Variants in CFAP299 observed in about 807,000 individuals in gnomAD.
CFAP299 encodes the protein cilia- and flagella-associated protein 299.
Under a neutral mutation model 27.0 loss-of-function variants are expected in CFAP299, and 21 were observed. That is an observed-to-expected ratio of 0.78 (90% CI 0.55 to 1.12). The LOEUF (loss-of-function observed/expected upper bound fraction) is 1.12, where lower values mean the gene tolerates loss of function less well. Ranked by LOEUF, CFAP299 falls within the 50% of genes most tolerant of loss-of-function variation. The pLI is 0.00. For missense variants in CFAP299, 310 were observed against 276.6 expected, an observed-to-expected ratio of 1.12 and a Z score of -0.86; for synonymous variants, 104 against 98.1, an observed-to-expected ratio of 1.06 and a Z score of -0.36.
intron 2 of CFAP299, among the ~76,000 whole-genome samples, chr4:80,429,125 G>A (rs1727678332): frequency 1.3e-5 from 2 of 152,112 alleles, no homozygotes; most frequent in Admixed American, 1.3e-4. Context: ...AATTCTGGTA[G>A]GTTTCCATAC....
intron 3 of CFAP299, among the ~76,000 whole-genome samples, chr4:80,615,524 G>A (rs113988969): frequency 2.0e-5 from 3 of 150,996 alleles, no homozygotes; most frequent in African/African-American, 7.3e-5. Flanking sequence ...TAGGCTTGCA[G>A]GCATCTTTCT....
intron 3 of CFAP299, among the ~76,000 whole-genome samples, chr4:80,606,202 C>A (rs894160142): frequency 2.0e-5 from 3 of 152,146 alleles, no homozygotes; most frequent in Non-Finnish European, 4.4e-5. Context: ...TCTTATAAGT[C>A]TTTTCAGAAA....
chr4:80,743,068 T>C (rs1184544152), intron 3 of CFAP299, among the ~76,000 whole-genome samples: 2 of 152,100 alleles, frequency 1.3e-5, no homozygotes, highest in Non-Finnish European at 2.9e-5. Flanking sequence ...GCTTTTGTAG[T>C]TAACCTGATT....
At chr4:80,826,986 G>A (rs1161067191) in intron 3 of CFAP299, among the ~76,000 whole-genome samples, 1 of 151,508 alleles carries the variant, frequency 6.6e-6, no homozygotes, top group Non-Finnish European at 1.5e-5. Context: ...AATAACAAGG[G>A]AAATCAGAAA....
At chr4:80,952,689 C>A (rs142493404) in intron 5 of CFAP299, among the ~76,000 whole-genome samples, 279 of 152,128 alleles carry the variant, frequency 1.8e-3, no homozygotes, top group African/African-American at 6.4e-3. Context: ...AATAAAATCA[C>A]CCGTTTTTGT....
chr4:80,952,528 G>T (rs1451649646), intron 5 of CFAP299, among the ~76,000 whole-genome samples: 2 of 152,082 alleles, frequency 1.3e-5, no homozygotes, highest in Non-Finnish European at 2.9e-5. Flanking sequence ...GTAAATGAGA[G>T]TAGCAATTAC....
At chr4:80,703,603 T>A (rs989586703) in intron 3 of CFAP299, among the ~76,000 whole-genome samples, 2 of 150,022 alleles carry the variant, frequency 1.3e-5, no homozygotes, top group Non-Finnish European at 3.0e-5. Context: ...TGTGAGGTAT[T>A]TTTTTTTTGC....
intron 3 of CFAP299, among the ~76,000 whole-genome samples, chr4:80,618,239 A>G (rs1366300267): frequency 6.6e-6 from 1 of 152,170 alleles, no homozygotes; most frequent in Non-Finnish European, 1.5e-5. Flanking sequence ...AGCAAAGCAT[A>G]CTTCTTAGAA....
chr4:80,432,435 G>A (rs189816804), intron 2 of CFAP299, among the ~76,000 whole-genome samples: 1 of 152,144 alleles, frequency 6.6e-6, no homozygotes, highest in East Asian at 1.9e-4. Flanking sequence ...ACAGGCGTGA[G>A]CAACCATGCC....
chr4:80,944,961 G>C, intron 5 of CFAP299, 22 bp downstream of exon 5: 1 of 1,600,210 alleles, frequency 6.2e-7, no homozygotes, highest in Non-Finnish European at 8.6e-7. Context: ...TTTACACTTA[G>C]TTAGTTACCT....
intron 2 of CFAP299, among the ~76,000 whole-genome samples, chr4:80,540,994 C>T (rs993981732): frequency 2.0e-5 from 3 of 152,104 alleles, no homozygotes; most frequent in Non-Finnish European, 4.4e-5. Context: ...AAGCAGATGA[C>T]TCAATTCTTA....
chr4:80,726,421 C>A (rs1723166664), intron 3 of CFAP299, among the ~76,000 whole-genome samples: 1 of 151,992 alleles, frequency 6.6e-6, no homozygotes, highest in Admixed American at 6.5e-5. Flanking sequence ...AAAAAGATAT[C>A]TTTTTAAAAG....
At position 80,551,116 on chromosome 4, in the gene CFAP299, A is replaced by C. The variant is rs369853342; in HGVS notation, c.243-31977A>C. On this transcript the variant is annotated intron_variant, in intron 2 of 5. Coordinates refer to ENST00000358105, the MANE Select transcript of CFAP299 (RefSeq NM_152770.3). ...TGATAACCATGAAAACTGTTCAACT[A>C]AAGTATATAAGCAACAATAATATTT... 1.6e-4 allele frequency among the ~76,000 whole-genome samples: 25 copies of C among 152,350 alleles called. 1 individual carries two copies. The highest frequency in any genetic ancestry group is 1.5e-3 in the East Asian group (8 of 5,192).
rs1050264138 is a variant in CFAP299, at chr4:80,542,741, G to GT, written c.243-40340dup. Among the ~76,000 whole-genome samples, 1,103 of 146,202 alleles carry GT rather than the reference G, an allele frequency of 7.5e-3. 9 individuals carry two copies. The highest frequency in any genetic ancestry group is 0.029 in the South Asian group (134 of 4,632). ...ACTTTTACCAGTGGCCATTGCCATA[G>GT]TTTTTTTTTTTTGCCAGAGGCCACT... On this transcript the variant is annotated intron_variant, in intron 2 of 5. Transcript: ENST00000358105.
chr4:80,950,146 G>A (rs1737696320), intron 5 of CFAP299, among the ~76,000 whole-genome samples: 1 of 152,060 alleles, frequency 6.6e-6, no homozygotes, highest in Non-Finnish European at 1.5e-5. Flanking sequence ...GAAAGAGAGG[G>A]AGAAAGAACA....
At chr4:80,710,306 G>GT (rs1332046235) in intron 3 of CFAP299, among the ~76,000 whole-genome samples, 1 of 151,970 alleles carries the variant, frequency 6.6e-6, no homozygotes, top group Non-Finnish European at 1.5e-5. Flanking sequence ...AAGGAAATTA[G>GT]ATTTCTTCCC....
At position 80,463,152 on chromosome 4, in the gene CFAP299, A is replaced by AT. The variant is rs35437423; in HGVS notation, c.242+100279dup. 8.4e-4 allele frequency among the ~76,000 whole-genome samples: 127 copies of AT among 150,640 alleles called. No individual in the cohort carries two copies. The South Asian group carries it at 0.014, about 17-fold the overall frequency. Reference sequence around the variant, plus strand: ...GGGCAACATTCAATCAAATAAAATGATTTTTTTTTTTAATTTTAATGTCTT... The same window carrying AT: ...GGGCAACATTCAATCAAATAAAATGATTTTTTTTTTTTAATTTTAATGTCTT... On this transcript the variant is annotated intron_variant, in intron 2 of 5. Coordinates refer to ENST00000358105, the MANE Select transcript of CFAP299 (RefSeq NM_152770.3).
intron 2 of CFAP299, among the ~76,000 whole-genome samples, chr4:80,498,533 A>G (rs965107010): frequency 2.6e-5 from 4 of 152,128 alleles, no homozygotes; most frequent in African/African-American, 4.8e-5. Context: ...AATAAAAATC[A>G]TAATGAGATA....
At chr4:80,398,023 A>G (rs1578399597) in intron 2 of CFAP299, among the ~76,000 whole-genome samples, 1 of 152,348 alleles carries the variant, frequency 6.6e-6, no homozygotes, top group African/African-American at 2.4e-5. Context: ...AAAAATCACA[A>G]GCATTCTTAT....
Sources: allele counts gnomAD v4.1 joint callset (sites outside exome capture counted in the v4.1 genomes callset), GRCh38; gene constraint gnomAD v4.1.1; transcripts MANE v1.5; gene names NCBI Gene and HGNC (gene_info 2026-07-23, HGNC 2026-07-21).